The following CDKAL1 variants were observed in gnomAD, a reference collection of about 807,000 sequenced individuals.
The protein encoded by CDKAL1 is threonylcarbamoyladenosine tRNA methylthiotransferase.
In CDKAL1, 32 loss-of-function variants were observed where a neutral mutation model predicts 68.2. That is an observed-to-expected ratio of 0.47 (90% CI 0.35 to 0.63). The LOEUF (loss-of-function observed/expected upper bound fraction) is 0.63, where lower values mean the gene tolerates loss of function less well. Ranked by LOEUF, CDKAL1 falls within the 30% of genes least tolerant of loss-of-function variation. The pLI, the probability that CDKAL1 is intolerant of heterozygous loss-of-function variation, is 0.00. For missense variants in CDKAL1, 606 were observed against 696.7 expected, an observed-to-expected ratio of 0.87 and a Z score of 1.47; for synonymous variants, 234 against 244.3, an observed-to-expected ratio of 0.96 and a Z score of 0.39.
chr6:20,632,040 C>T (rs1246207132), intron 4 of CDKAL1, among the ~76,000 whole-genome samples: 1 of 152,168 alleles, frequency 6.6e-6, no homozygotes, highest in African/African-American at 2.4e-5. Context: ...TTAGTAAGTG[C>T]ATTTTTAAAA....
intron 15 of CDKAL1, among the ~76,000 whole-genome samples, chr6:21,224,362 A>G (rs1317975007): frequency 6.6e-6 from 1 of 152,114 alleles, no homozygotes; most frequent in African/African-American, 2.4e-5. Flanking sequence ...CCCCATCTCT[A>G]CTAAAAATGC....
chr6:21,103,383 G>C (rs1281974261), intron 12 of CDKAL1, among the ~76,000 whole-genome samples: 3 of 151,914 alleles, frequency 2.0e-5, no homozygotes, highest in Non-Finnish European at 2.9e-5. Flanking sequence ...TACTCTCTTG[G>C]GGTCTTTAGT....
chr6:21,229,851 C>T (rs1779889473), intron 15 of CDKAL1, among the ~76,000 whole-genome samples: 1 of 152,172 alleles, frequency 6.6e-6, no homozygotes, highest in South Asian at 2.1e-4. Flanking sequence ...TGACAATAGC[C>T]AGGTGCTCCT....
intron 5 of CDKAL1, among the ~76,000 whole-genome samples, chr6:20,656,555 A>G (rs11969955): frequency 2.2e-3 from 330 of 152,264 alleles, no homozygotes; most frequent in African/African-American, 7.4e-3. Context: ...TAAACAAGAT[A>G]CAAAGATACT....
chr6:20,778,120 G>A (rs1303439626), intron 7 of CDKAL1, among the ~76,000 whole-genome samples: 1 of 152,108 alleles, frequency 6.6e-6, no homozygotes, highest in African/African-American at 2.4e-5. Flanking sequence ...GGCCTTCACT[G>A]TACATAAAAA....
chr6:21,023,444 G>A (rs937479844), intron 11 of CDKAL1, among the ~76,000 whole-genome samples: 2 of 152,146 alleles, frequency 1.3e-5, no homozygotes, highest in African/African-American at 4.8e-5. Context: ...GTTTTGATAT[G>A]AATTGCCTTT....
chr6:20,672,061 C>T (rs11968225), intron 5 of CDKAL1, among the ~76,000 whole-genome samples: 14,025 of 151,978 alleles, frequency 0.092, 2,062 homozygotes, highest in African/African-American at 0.31. Context: ...ACGCTGTTTG[C>T]AAAGGAAGTT....
intron 9 of CDKAL1, among the ~76,000 whole-genome samples, chr6:20,876,737 T>C (rs1305966226): frequency 1.3e-5 from 2 of 152,194 alleles, no homozygotes; most frequent in African/African-American, 4.8e-5. Context: ...AAACATTTTG[T>C]TTTCTTTCCT....
chr6:20,902,057 T>C lies in CDKAL1; in HGVS notation c.743-53362T>C, dbSNP rs1012109763. On this transcript the variant is annotated intron_variant, in intron 9 of 15. Coordinates refer to ENST00000274695, the MANE Select transcript of CDKAL1 (RefSeq NM_017774.3). ...AGAAACTAGTTTCTTATCTTTCAGC[T>C]GTCCGTCTACAGTAACCACTGTCCC... Among the ~76,000 whole-genome samples, 28 of 149,876 alleles carry C rather than the reference T, an allele frequency of 1.9e-4. No homozygotes were observed. The Admixed American group carries it at 1.9e-3, about 10-fold the overall frequency.
At chr6:20,684,586 G>C (rs1386561533) in intron 5 of CDKAL1, among the ~76,000 whole-genome samples, 1 of 152,242 alleles carries the variant, frequency 6.6e-6, no homozygotes, top group African/African-American at 2.4e-5. Context: ...AGTATGTTCA[G>C]ATTCTGTCAA....
At chr6:20,871,459 A>G (rs1285280089) in intron 9 of CDKAL1, among the ~76,000 whole-genome samples, 1 of 152,216 alleles carries the variant, frequency 6.6e-6, no homozygotes, top group African/African-American at 2.4e-5. Context: ...CAAGAAATAA[A>G]TGAAAACGAA....
At chr6:21,179,261 A>C (rs542954675) in intron 13 of CDKAL1, among the ~76,000 whole-genome samples, 3 of 152,328 alleles carry the variant, frequency 2.0e-5, no homozygotes, top group Admixed American at 6.5e-5. Flanking sequence ...ACACTACCTG[A>C]AATAGGCATA....
intron 12 of CDKAL1, among the ~76,000 whole-genome samples, chr6:21,069,479 C>T (rs1420068002): frequency 6.6e-6 from 1 of 152,036 alleles, no homozygotes. Context: ...TTAAATTAAC[C>T]TTGCATTCCT....
intron 12 of CDKAL1, among the ~76,000 whole-genome samples, chr6:21,070,118 A>C (rs12199982): frequency 0.44 from 66,964 of 151,766 alleles, 15,461 homozygotes; most frequent in East Asian, 0.86. Flanking sequence ...CCCAGGTTAC[A>C]CACCCTTTCT....
At chr6:21,074,808 TA>T (rs2150948586) in intron 12 of CDKAL1, among the ~76,000 whole-genome samples, 1 of 152,286 alleles carries the variant, frequency 6.6e-6, no homozygotes, top group South Asian at 2.1e-4. Flanking sequence ...AAAAATTTAT[TA>T]TTTTTTTAAA....
rs985057182 is a variant in CDKAL1, at chr6:20,965,712, T to G, written c.909+10127T>G. 5.3e-5 allele frequency among the ~76,000 whole-genome samples: 8 copies of G among 152,350 alleles called. No individual in the cohort carries two copies. In the East Asian group the frequency reaches 1.4e-3, roughly 26 times the overall value. On this transcript the variant is annotated intron_variant, in intron 10 of 15. Coordinates refer to ENST00000274695, the MANE Select transcript of CDKAL1 (RefSeq NM_017774.3). The stretch of plus-strand genomic sequence containing the variant: ...CTTAAAAGGCATTTCACATTGCCAG[T>G]CCCCTGAATCCTTAATTTCACCCGG...
At chr6:20,950,446 TA>T (rs1158289570) in intron 9 of CDKAL1, among the ~76,000 whole-genome samples, 1 of 152,142 alleles carries the variant, frequency 6.6e-6, no homozygotes, top group Admixed American at 6.6e-5. Flanking sequence ...TCTCTAAGAT[TA>T]TTTTTTTAAG....
chr6:20,694,473 G>A (rs1235732107), intron 5 of CDKAL1, among the ~76,000 whole-genome samples: 1 of 152,150 alleles, frequency 6.6e-6, no homozygotes, highest in Admixed American at 6.5e-5. Flanking sequence ...GAGTTGCGTA[G>A]AGAAGGTTCT....
chr6:20,574,597 G>A (rs921435575), intron 4 of CDKAL1, among the ~76,000 whole-genome samples: 8 of 152,114 alleles, frequency 5.3e-5, no homozygotes, highest in African/African-American at 1.7e-4. Context: ...TGACAATCAT[G>A]ACCTACATTA....
Sources: allele counts gnomAD v4.1 joint callset (sites outside exome capture counted in the v4.1 genomes callset), GRCh38; gene constraint gnomAD v4.1.1; transcripts MANE v1.5; gene names NCBI Gene and HGNC (gene_info 2026-07-23, HGNC 2026-07-21).